PDZD2: variants seen among roughly 807,000 people sequenced by gnomAD.
PDZD2 encodes the protein PDZ domain-containing protein 2.
In PDZD2, 90 loss-of-function variants were observed where a neutral mutation model predicts 220.7. The observed-to-expected ratio is 0.41, with a 90% CI of 0.34 to 0.49. The LOEUF is 0.49. Among genes scored for constraint, PDZD2 ranks in the 20% least tolerant of loss-of-function variants. The pLI is 0.28. For synonymous variants in PDZD2, 1,375 were observed against 1,450.5 expected, an observed-to-expected ratio of 0.95 and a Z score of 1.18; for missense variants, 3,174 against 3,608.5, an observed-to-expected ratio of 0.88 and a Z score of 3.08.
chr5:32,021,990 A>C (rs1429441694), intron 6 of PDZD2, among the ~76,000 whole-genome samples: 4 of 152,022 alleles, frequency 2.6e-5, no homozygotes, highest in Middle Eastern at 3.2e-3. Context: ...GCCCACAACC[A>C]AGGCATTGTA....
At chr5:31,682,148 T>G (rs1404763656) in intron 1 of PDZD2, among the ~76,000 whole-genome samples, 1 of 152,026 alleles carries the variant, frequency 6.6e-6, no homozygotes, top group Non-Finnish European at 1.5e-5. Context: ...AGGGTAGCAA[T>G]GATGGTCTGA....
At chr5:31,642,779 A>T (rs904349461) in intron 1 of PDZD2, among the ~76,000 whole-genome samples, 11 of 152,190 alleles carry the variant, frequency 7.2e-5, no homozygotes, top group African/African-American at 2.7e-4. Flanking sequence ...GAGGTTGGTG[A>T]GGCCCTGGAG....
chr5:31,857,148 G>T (rs1345095822), intron 2 of PDZD2, among the ~76,000 whole-genome samples: 1 of 152,028 alleles, frequency 6.6e-6, no homozygotes, highest in East Asian at 1.9e-4. Context: ...ACCACACTCA[G>T]CCTCAACTTC....
intron 2 of PDZD2, among the ~76,000 whole-genome samples, chr5:31,961,346 A>C (rs1748203113): frequency 6.8e-6 from 1 of 145,986 alleles, no homozygotes; most frequent in African/African-American, 2.6e-5. Context: ...AGCTGGGGAA[A>C]CATGGCGAAA....
At chr5:31,701,846 G>C (rs1484162525) in intron 1 of PDZD2, among the ~76,000 whole-genome samples, 5 of 152,196 alleles carry the variant, frequency 3.3e-5, no homozygotes, top group Admixed American at 3.3e-4. Flanking sequence ...TTAGCAAGCT[G>C]GGGAGCCCAG....
chr5:31,711,537 G>A (rs909590856), intron 1 of PDZD2, among the ~76,000 whole-genome samples: 19 of 152,184 alleles, frequency 1.2e-4, no homozygotes, highest in African/African-American at 4.1e-4. Context: ...CATTTCCCTG[G>A]AGCTGTCAGT....
At chr5:31,642,417 T>C (rs1313620929) in intron 1 of PDZD2, among the ~76,000 whole-genome samples, 1 of 151,856 alleles carries the variant, frequency 6.6e-6, no homozygotes, top group Admixed American at 6.6e-5. Context: ...AGAAGGATGA[T>C]AGGAAAAGGC....
intron 21 of PDZD2, among the ~76,000 whole-genome samples, chr5:32,093,765 G>C (rs1238903004): frequency 6.6e-6 from 1 of 152,134 alleles, no homozygotes. Context: ...ATCACTTGAG[G>C]TCAGGAGTTC....
chr5:31,785,213 C>G (rs530138618), intron 1 of PDZD2, among the ~76,000 whole-genome samples: 1 of 151,966 alleles, frequency 6.6e-6, no homozygotes, highest in African/African-American at 2.4e-5. Context: ...TATGTTTACA[C>G]ATGAGAAATA....
At chr5:31,717,438 C>G (rs745324425) in intron 1 of PDZD2, among the ~76,000 whole-genome samples, 8 of 152,214 alleles carry the variant, frequency 5.3e-5, no homozygotes, top group Non-Finnish European at 8.8e-5. Context: ...CATGTCCAAA[C>G]CTACTTGTCC....
Position 32,074,137 on chromosome 5 carries a change from G to A in PDZD2, c.3031G>A (p.Gly1011Ser). 1 of 1,614,182 alleles carries A rather than the reference G, an allele frequency of 6.2e-7. No individual in the cohort carries two copies. ...PRRVSISSSKGMDVHNQEERP... is the reference protein window; with the variant it reads ...PRRVSISSSKSMDVHNQEERP... ...GCGTGTCTCAATTTCCTCTTCCAAG[G>A]GCATGGACGTCCACAACCAAGAGGA... Residue 1011 changes from glycine to serine, a missense_variant, in exon 18 of 25, where the codon GGC (glycine) becomes AGC (serine). Physicochemically the swap from Gly to Ser is moderately conservative, Grantham distance 56 (BLOSUM62 0). Transcript: ENST00000438447.
chr5:31,841,545 C>T (rs545420743), intron 2 of PDZD2, among the ~76,000 whole-genome samples: 2 of 151,880 alleles, frequency 1.3e-5, no homozygotes, highest in African/African-American at 2.4e-5. Flanking sequence ...TGGTGGCGGG[C>T]GCCTGTAGTC....
chr5:31,847,347 G>T (rs1265449281), intron 2 of PDZD2: 1 of 407,662 alleles, frequency 2.5e-6, no homozygotes, highest in Non-Finnish European at 4.6e-6. Flanking sequence ...CGACAAGAGG[G>T]TAAAACCGAT....
rs565301813 is a variant in PDZD2, at chr5:32,040,349, C to G, written c.1519+3007C>G. ...GCCCTGTCTAGGAAGTGAGGAGCCC[C>G]TCTGCCTGGCCGCCCCGTCTAGGAA... On this transcript the variant is annotated intron_variant, in intron 7 of 24. Transcript: ENST00000438447. Among the ~76,000 whole-genome samples the G allele has an allele frequency of 2.0e-5, 3 of 148,958 alleles. No individual in the cohort carries two copies. In the South Asian group the frequency reaches 6.5e-4, roughly 32 times the overall value.
At chr5:31,875,542 C>T (rs2150328999) in intron 2 of PDZD2, among the ~76,000 whole-genome samples, 1 of 149,212 alleles carries the variant, frequency 6.7e-6, no homozygotes, top group Middle Eastern at 3.5e-3. Context: ...GCCGAGATCA[C>T]ACTACTGCAC....
At chr5:31,671,900 T>C (rs952977678) in intron 1 of PDZD2, among the ~76,000 whole-genome samples, 1 of 152,176 alleles carries the variant, frequency 6.6e-6, no homozygotes, top group Non-Finnish European at 1.5e-5. Flanking sequence ...AGTCCTCACC[T>C]GGAGGGGTGG....
At chr5:31,845,520 G>T (rs1261426443) in intron 2 of PDZD2, among the ~76,000 whole-genome samples, 1 of 152,220 alleles carries the variant, frequency 6.6e-6, no homozygotes, top group Non-Finnish European at 1.5e-5. Flanking sequence ...AACAGTGGGA[G>T]GGAAGTCAGG....
chr5:31,702,773 G>A (rs369942684), intron 1 of PDZD2, among the ~76,000 whole-genome samples: 20 of 152,366 alleles, frequency 1.3e-4, no homozygotes, highest in African/African-American at 4.1e-4. Context: ...AGTCGAATGA[G>A]TGTGTTCCCT....
At chr5:31,898,696 C>G (rs749388973) in intron 2 of PDZD2, among the ~76,000 whole-genome samples, 97 of 152,042 alleles carry the variant, frequency 6.4e-4, no homozygotes, top group Non-Finnish European at 1.2e-3. Flanking sequence ...CTTTTCCAGC[C>G]AAACCTTTCC....
Sources: allele counts gnomAD v4.1 joint callset (sites outside exome capture counted in the v4.1 genomes callset), GRCh38; gene constraint gnomAD v4.1.1; transcripts MANE v1.5; gene names NCBI Gene and HGNC (gene_info 2026-07-23, HGNC 2026-07-21).